Variants in ADGB observed in about 807,000 individuals in gnomAD.
ADGB encodes the protein androglobin.
In ADGB, 172 loss-of-function variants were observed where a neutral mutation model predicts 210.5. That is an observed-to-expected ratio of 0.82 (90% confidence interval 0.72 to 0.93). The LOEUF (loss-of-function observed/expected upper bound fraction) is 0.93. Ranked by LOEUF, ADGB falls within the 40% of genes least tolerant of loss-of-function variation. The pLI is 0.00. For missense variants in ADGB, 2,025 were observed against 1,964.8 expected, an observed-to-expected ratio of 1.03 and a Z score of -0.58; for synonymous variants, 658 against 662.7, an observed-to-expected ratio of 0.99 and a Z score of 0.11.
intron 2 of ADGB, among the ~76,000 whole-genome samples, chr6:146,637,627 A>G (rs1775444266): frequency 1.3e-5 from 2 of 152,040 alleles, no homozygotes; most frequent in Admixed American, 1.3e-4. Flanking sequence ...AAGTTACACC[A>G]GCCCTACCAA....
At chr6:146,649,933 C>G (rs781349928) in intron 3 of ADGB, among the ~76,000 whole-genome samples, 27 of 152,144 alleles carry the variant, frequency 1.8e-4, no homozygotes, top group Non-Finnish European at 3.8e-4. Context: ...TAGCACAATA[C>G]ACATACATAT....
rs1776234118 is a variant in ADGB at position 146,686,374 on chromosome 6, T to C, written c.1311+546T>C. On this transcript the variant is annotated intron_variant, in intron 10 of 35. Transcript: ENST00000397944. ...AGTGAAAGGAAATACAATTAAAATATTTATAGTATAAATGGTAAGGCATAG... is the reference window on the plus strand; with the variant it reads ...AGTGAAAGGAAATACAATTAAAATACTTATAGTATAAATGGTAAGGCATAG... Among the ~76,000 whole-genome samples, 3 of 152,104 alleles carry C rather than the reference T, an allele frequency of 2.0e-5. No individual in the cohort carries two copies. In the South Asian group the frequency reaches 6.2e-4, roughly 31 times the overall value.
At chr6:146,698,359 A>G (rs1243556042) in intron 12 of ADGB, among the ~76,000 whole-genome samples, 1 of 152,224 alleles carries the variant, frequency 6.6e-6, no homozygotes, top group Non-Finnish European at 1.5e-5. Flanking sequence ...ATAATCTATG[A>G]TAGGAATATA....
chr6:146,776,246 G>A (rs551342421), intron 29 of ADGB, among the ~76,000 whole-genome samples: 2 of 152,090 alleles, frequency 1.3e-5, no homozygotes, highest in South Asian at 4.1e-4. Context: ...GAAGTAACAT[G>A]TTTCATAATT....
chr6:146,804,085 G>T (rs764479676), intron 35 of ADGB, among the ~76,000 whole-genome samples: 1 of 152,122 alleles, frequency 6.6e-6, no homozygotes, highest in Non-Finnish European at 1.5e-5. Context: ...CACCCCAGTA[G>T]AAGAATAGGT....
intron 13 of ADGB, among the ~76,000 whole-genome samples, chr6:146,708,624 T>C (rs558226822): frequency 6.6e-6 from 1 of 152,284 alleles, no homozygotes; most frequent in African/African-American, 2.4e-5. Flanking sequence ...CTTGCTGCTT[T>C]CAGAATCCTC....
intron 33 of ADGB, among the ~76,000 whole-genome samples, chr6:146,799,058 C>CAAAAA (rs71552962): frequency 9.6e-4 from 61 of 63,500 alleles, no homozygotes; most frequent in African/African-American, 2.9e-3. Flanking sequence ...TATGGAAATG[C>CAAAAA]AAAAAAAAAA....
intron 3 of ADGB, 99 bp from the exon 4 acceptor site, chr6:146,654,036 A>G: frequency 2.7e-6 from 2 of 738,116 alleles, no homozygotes; most frequent in Non-Finnish European, 4.1e-6. Context: ...AAATTCAAAA[A>G]ATTGCAACTT....
intron 1 of ADGB, among the ~76,000 whole-genome samples, chr6:146,601,148 A>T (rs748036121): frequency 6.6e-6 from 1 of 152,180 alleles, no homozygotes; most frequent in Non-Finnish European, 1.5e-5. Flanking sequence ...TGATCCTTTG[A>T]TGGTTGTATT....
intron 13 of ADGB, among the ~76,000 whole-genome samples, chr6:146,712,351 A>T (rs1315298016): frequency 2.6e-5 from 4 of 151,406 alleles, no homozygotes; most frequent in Non-Finnish European, 1.5e-5. Context: ...CACCAGGCTA[A>T]TTTTTTTGTA....
chr6:146,795,235 A>G (rs796882495), intron 33 of ADGB, among the ~76,000 whole-genome samples: 27 of 152,296 alleles, frequency 1.8e-4, no homozygotes, highest in African/African-American at 5.5e-4. Flanking sequence ...TCAATTGCAC[A>G]TGGGAACAGG....
intron 13 of ADGB, among the ~76,000 whole-genome samples, chr6:146,713,364 G>A (rs1776685452): frequency 6.6e-6 from 1 of 152,130 alleles, no homozygotes. Flanking sequence ...TCTCAACAGT[G>A]CCTCTCAAAT....
chr6:146,766,821 T>C (rs1021748767), intron 28 of ADGB, among the ~76,000 whole-genome samples: 1 of 152,184 alleles, frequency 6.6e-6, no homozygotes, highest in Admixed American at 6.5e-5. Flanking sequence ...ACATAGGTGA[T>C]AAATTGCAAA....
In ADGB at chr6:146,670,322, TCA is replaced by T. The variant is rs1455098897; in HGVS notation, c.840-1893_840-1892del. Among the ~76,000 whole-genome samples, 3 of 152,298 alleles carry T rather than the reference TCA, an allele frequency of 2.0e-5. No homozygotes were observed. The East Asian group carries it at 5.8e-4, about 29-fold the overall frequency. On this transcript the variant is annotated intron_variant, in intron 7 of 35. Transcript: ENST00000397944. ...TCCTCAGAGATCTACACTGTCTGAT[TCA>T]CACAGTCTCTGACCTCATCACTGAC...
intron 33 of ADGB, among the ~76,000 whole-genome samples, chr6:146,800,681 T>A (rs1372761315): frequency 6.6e-6 from 1 of 152,188 alleles, no homozygotes; most frequent in Admixed American, 6.5e-5. Context: ...ATCTTTTATA[T>A]ATTGCCTACT....
chr6:146,752,565 C>T lies in ADGB; in HGVS notation c.3401C>T (p.Thr1134Ile). The change falls in exon 27 of 36, where the codon ACA becomes ATA. Residue 1134 changes from threonine (T) to isoleucine (I), a missense_variant. Coordinates refer to ENST00000397944, the MANE Select transcript of ADGB (RefSeq NM_024694.4). ...SVKVLTPQPATIQVRTSKPDA... is the reference protein window; with the variant it reads ...SVKVLTPQPAIIQVRTSKPDA... ...AAAGTTCTAACACCACAACCTGCTA[C>T]AATACAGGTACGCACATCCAAACCA... 6.5e-7 allele frequency: 1 copy of T among 1,549,396 alleles called. No individual in the cohort carries two copies. The highest frequency in any genetic ancestry group is 8.7e-7 in the Non-Finnish European group (1 of 1,145,862).
At chr6:146,655,877 C>G (rs1321879106) in intron 4 of ADGB, among the ~76,000 whole-genome samples, 3 of 152,028 alleles carry the variant, frequency 2.0e-5, no homozygotes, top group African/African-American at 7.2e-5. Flanking sequence ...AAACATAAAT[C>G]TTGCAAGGTC....
intron 12 of ADGB, among the ~76,000 whole-genome samples, chr6:146,694,415 A>G (rs1776377235): frequency 6.6e-6 from 1 of 152,124 alleles, no homozygotes; most frequent in Non-Finnish European, 1.5e-5. Flanking sequence ...GGTACCTTTT[A>G]CAAGGACACT....
rs1780513292 is a variant in ADGB, at chr6:146,599,071, G to T, written c.31G>T (p.Val11Leu). 1 of 1,551,588 alleles carries T rather than the reference G, an allele frequency of 6.4e-7. No homozygotes were observed. Among genetic ancestry groups the T allele is most frequent in the Admixed American group, 2.0e-5 (1 of 50,984 alleles). ...CTCCAAACAAACCAAAAAGAAAGAG[G>T]TGCATCGTATCAACTCGGCGCACGG... MASKQTKKKE[V>L]HRINSAHGSD... The change falls in exon 1 of 36, where the codon GTG becomes TTG. Residue 11 changes from valine (V) to leucine (L), a missense_variant. By Grantham distance (32) the Val-to-Leu change is conservative. Transcript: ENST00000397944.
Sources: gnomAD v4.1 joint callset for allele counts (sites outside exome capture counted in the v4.1 genomes callset) on GRCh38, gnomAD v4.1.1 for gene constraint, MANE v1.5 for transcripts, NCBI Gene and HGNC (gene_info 2026-07-23, HGNC 2026-07-21) for gene names.